Variants in STK32C observed in about 807,000 individuals in gnomAD.
STK32C encodes serine/threonine-protein kinase 32C.
STK32C carries 31 observed loss-of-function variants against 56.5 expected under a neutral mutation model. The ratio of observed to expected loss-of-function variants is 0.55; its 90% CI spans 0.41 to 0.74. The LOEUF (loss-of-function observed/expected upper bound fraction) is 0.74. Among genes scored for constraint, STK32C ranks in the 30% least tolerant of loss-of-function variants. STK32C has a pLI of 0.00. For missense variants in STK32C, 544 were observed against 676.9 expected (o/e 0.80, Z 2.18); for synonymous variants, 309 against 289.4 (o/e 1.07, Z -0.69).
chr10:132,294,630 C>T (rs1479816836), intron 1 of STK32C, among the ~76,000 whole-genome samples: 4 of 152,184 alleles, frequency 2.6e-5, no homozygotes, highest in African/African-American at 9.7e-5. Flanking sequence ...ACTCTTAGCC[C>T]CTCGGGAGCT....
chr10:132,208,068 G>C lies in STK32C; in HGVS notation c.1403C>G (p.Ala468Gly), dbSNP rs755235826. ...GCACATGGGCAGGGCGGAGCGTTCCGCCTCGTCCTCCACAGGCTCCGCAGC... is the reference window on the plus strand; with the variant it reads ...GCACATGGGCAGGGCGGAGCGTTCCCCCTCGTCCTCCACAGGCTCCGCAGC... Reference protein sequence around the residue: ...RDAAEPVEDEAERSALPMCGP... With the variant: ...RDAAEPVEDEGERSALPMCGP... Residue 468 changes from alanine (A) to glycine (G), a missense_variant, in exon 12 of 12, where the codon GCG becomes GGG. By Grantham distance (60) the Ala-to-Gly change is moderately conservative. Transcript: ENST00000298630. The C allele has an allele frequency of 7.6e-7, 1 of 1,310,640 alleles. No homozygotes were observed. The highest frequency in any genetic ancestry group is 1.5e-5 in the African/African-American group (1 of 66,376). 81.2% of individuals were successfully genotyped at this position (1,310,640 alleles called of 1,614,324 possible).
chr10:132,271,682 C>T (rs1324123208), intron 1 of STK32C, among the ~76,000 whole-genome samples: 3 of 152,308 alleles, frequency 2.0e-5, no homozygotes, highest in South Asian at 4.1e-4. Flanking sequence ...GGTGGTGTTT[C>T]CCTAAGGTGG....
intron 1 of STK32C, among the ~76,000 whole-genome samples, chr10:132,267,758 T>C: frequency 7.9e-6 from 1 of 126,866 alleles, no homozygotes; most frequent in African/African-American, 3.3e-5. Flanking sequence ...TCGGTGCGTG[T>C]GCATGCATGT....
At chr10:132,280,716 G>A (rs955498844) in intron 1 of STK32C, among the ~76,000 whole-genome samples, 5 of 146,782 alleles carry the variant, frequency 3.4e-5, no homozygotes, top group South Asian at 2.2e-4. Flanking sequence ...TCCACTCCCT[G>A]ATCACACCCC....
intron 2 of STK32C, among the ~76,000 whole-genome samples, chr10:132,237,701 C>CGAA (rs1485274020): frequency 6.6e-6 from 1 of 151,760 alleles, no homozygotes; most frequent in Non-Finnish European, 1.5e-5. Context: ...TGCAGCTTCA[C>CGAA]CCCTCTTCCC....
intron 8 of STK32C, 91 bp downstream of exon 8, chr10:132,224,316 T>A (rs892545763): frequency 1.9e-5 from 17 of 917,998 alleles, no homozygotes; most frequent in African/African-American, 3.3e-5. Flanking sequence ...CGGCACTAAC[T>A]GTGCACTGGA....
upstream of STK32C, among the ~76,000 whole-genome samples, chr10:132,309,682 G>A (rs2066184016): frequency 6.6e-6 from 1 of 152,138 alleles, no homozygotes; most frequent in Non-Finnish European, 1.5e-5. Flanking sequence ...GCCCATCCCA[G>A]CAGGAGTGGT....
intron 1 of STK32C, chr10:132,331,401 T>A: frequency 6.3e-7 from 1 of 1,574,872 alleles, no homozygotes; most frequent in Non-Finnish European, 8.6e-7. Flanking sequence ...TTCATCTTCT[T>A]CCAAATTCTC....
intron 1 of STK32C, among the ~76,000 whole-genome samples, chr10:132,330,642 G>C (rs1208726331): frequency 6.7e-6 from 1 of 149,650 alleles, no homozygotes; most frequent in Non-Finnish European, 1.5e-5. Context: ...CACACAGCTG[G>C]AACTACAGGT....
chr10:132,230,114 C>T (rs543577689), intron 2 of STK32C, among the ~76,000 whole-genome samples: 82 of 148,932 alleles, frequency 5.5e-4, no homozygotes, highest in African/African-American at 1.7e-3. Flanking sequence ...CGAGAACAGA[C>T]GGAGACTAAG....
At chr10:132,219,640 C>A (rs2062570715) in intron 10 of STK32C, among the ~76,000 whole-genome samples, 1 of 152,204 alleles carries the variant, frequency 6.6e-6, no homozygotes. Flanking sequence ...CAGTGGCCAC[C>A]TGGCAGACAG....
intron 1 of STK32C, among the ~76,000 whole-genome samples, chr10:132,278,340 A>G (rs2065048456): frequency 6.6e-6 from 1 of 152,216 alleles, no homozygotes; most frequent in Non-Finnish European, 1.5e-5. Context: ...CTGCAGCAAG[A>G]GAGGCCTCTC....
intron 1 of STK32C, among the ~76,000 whole-genome samples, chr10:132,298,897 G>A (rs2065834622): frequency 6.6e-6 from 1 of 152,172 alleles, no homozygotes; most frequent in South Asian, 2.1e-4. Flanking sequence ...CCAAGAGGAT[G>A]CACCGGCTAA....
At chr10:132,268,404 AGT>A (rs1565130325) in intron 1 of STK32C, among the ~76,000 whole-genome samples, 1 of 58,188 alleles carries the variant, frequency 1.7e-5, no homozygotes, top group Non-Finnish European at 3.3e-5. Flanking sequence ...TGTGTGTGTC[AGT>A]GTGTGTGCAT....
chr10:132,223,077 G>C (rs2062741475), intron 8 of STK32C, 91 bp from the exon 9 acceptor site: 1 of 1,470,356 alleles, frequency 6.8e-7, no homozygotes, highest in Admixed American at 2.2e-5. Context: ...CCTTGAGGAG[G>C]GTCCCACCAA....
intron 1 of STK32C, among the ~76,000 whole-genome samples, chr10:132,283,005 C>T (rs955918433): frequency 6.6e-6 from 1 of 152,218 alleles, no homozygotes; most frequent in Non-Finnish European, 1.5e-5. Context: ...ATCACATTCC[C>T]AGGGGTCCTG....
chr10:132,331,072 G>A (rs1277329872), intron 1 of STK32C, among the ~76,000 whole-genome samples: 2 of 150,982 alleles, frequency 1.3e-5, no homozygotes, highest in African/African-American at 2.4e-5. Flanking sequence ...GTGGTGGCGC[G>A]CGCCTGTAGT....
Position 132,307,660 on chromosome 10 carries a change from CAG to C in STK32C, c.172_173del (p.Leu58ValfsTer25). The C allele has an allele frequency of 2.6e-6, 4 of 1,541,344 alleles. No homozygotes were observed. Among genetic ancestry groups the C allele is most frequent in the Non-Finnish European group, 3.5e-6 (4 of 1,146,554 alleles). On this transcript the variant is annotated frameshift_variant, in exon 1 of 12. Transcript: ENST00000298630. LOFTEE classifies it high-confidence loss of function. This position sits in a 1 kb window ranked among gnomAD's most constrained non-coding sequence, Gnocchi z 4.4. ...TCTTCTTCCACTTGCTCCACTGAAA[CAG>C]GGGGCGCGGCTGCGAGCGGACATCG... is the stretch of plus-strand genomic sequence containing the variant. ...SGDVRSQPRP[L>X]FQWSKWKKRM...
intron 10 of STK32C, chr10:132,209,360 G>A: frequency 1.4e-6 from 1 of 697,170 alleles, no homozygotes; most frequent in Non-Finnish European, 2.6e-6. Context: ...CTTGCTCCGT[G>A]GGGCCTGCAG....
Sources: allele counts gnomAD v4.1 joint callset (sites outside exome capture counted in the v4.1 genomes callset), GRCh38; gene constraint gnomAD v4.1.1; non-coding constraint Gnocchi (gnomAD v3.1); transcripts MANE v1.5; gene names NCBI Gene and HGNC (gene_info 2026-07-23, HGNC 2026-07-21).